Variants in NLGN4X observed in about 807,000 individuals in gnomAD.
The protein encoded by NLGN4X is neuroligin 4 X-linked.
A neutral mutation model predicts 40.3 loss-of-function variants in NLGN4X; 3 were observed. That is an observed-to-expected ratio of 0.07 (90% CI 0.03 to 0.19). The LOEUF (loss-of-function observed/expected upper bound fraction) is 0.19. Among genes scored for constraint, NLGN4X ranks in the 10% least tolerant of loss-of-function variants. NLGN4X has a pLI of 1.00. For missense variants in NLGN4X, 382 were observed against 708.3 expected, an observed-to-expected ratio of 0.54 and a Z score of 5.23; for synonymous variants, 270 against 306.8, an observed-to-expected ratio of 0.88 and a Z score of 1.25.
At chrX:6,132,376 T>C (rs771353945) in intron 2 of NLGN4X, among the ~76,000 whole-genome samples, 1 of 111,430 alleles carries the variant, frequency 9.0e-6, no homozygotes, top group South Asian at 3.8e-4. Flanking sequence ...CGATTACACA[T>C]GCACAATACA....
At chrX:5,921,322 C>T (rs1411860037) in intron 3 of NLGN4X, among the ~76,000 whole-genome samples, 1 of 102,122 alleles carries the variant, frequency 9.8e-6, no homozygotes, top group African/African-American at 3.6e-5. Context: ...TTTTTTTCTC[C>T]GATGTTTCAA....
At chrX:6,196,914 T>A (rs1191890887) in intron 1 of NLGN4X, among the ~76,000 whole-genome samples, 1 of 111,759 alleles carries the variant, frequency 8.9e-6, no homozygotes, top group African/African-American at 3.3e-5. Flanking sequence ...TCCCAAGCAC[T>A]GAGGAGGGAG....
chrX:5,903,640 G>A lies in NLGN4X; in HGVS notation c.1038C>T (p.Gly346=), dbSNP rs773091504. Residue 346 remains glycine, a synonymous_variant, in exon 5 of 6, where the codon GGC becomes GGT. Coordinates refer to ENST00000381095, the MANE Select transcript of NLGN4X (RefSeq NM_181332.3). ...TCTGGGGGTCGTCTGGGATGACGTC[G>A]CCGTCGATCACCGGCCCGAAGGCTA... ...YHIAFGPVID[G]DVIPDDPQIL... is the part of the protein sequence containing the mutation. The A allele has an allele frequency of 1.2e-5, 15 of 1,209,625 alleles. No individual in the cohort carries two copies. The highest frequency in any genetic ancestry group is 1.1e-4 in the South Asian group (6 of 56,717).
intron 2 of NLGN4X, among the ~76,000 whole-genome samples, chrX:6,115,798 G>A (rs1309935852): frequency 9.0e-6 from 1 of 111,270 alleles, no homozygotes; most frequent in African/African-American, 3.3e-5. Context: ...TAGAAGCATC[G>A]TTTTAACGTG....
At position 5,890,170 on chromosome X, in the gene NLGN4X, A is replaced by C; in HGVS notation, c.*2647T>G. 4.9e-6 allele frequency: 1 copy of C among 203,854 alleles called. No homozygotes were observed. The highest frequency in any genetic ancestry group is 8.9e-6 in the Non-Finnish European group (1 of 112,166). 16.8% of individuals were successfully genotyped at this position (203,854 alleles called of 1,213,427 possible). A position where few individuals can be genotyped will look rare whatever the true frequency, so the allele number is the denominator to read the frequency against. ...AAACAAAACTGCAAAATAATAACCC[A>C]AGGAACCATTAAACCCTGCGTGCCT... On this transcript the variant is annotated 3_prime_UTR_variant, in exon 6 of 6. Coordinates refer to ENST00000381095, the MANE Select transcript of NLGN4X (RefSeq NM_181332.3).
chrX:6,163,321 ACT>A (rs1399058441), intron 1 of NLGN4X, among the ~76,000 whole-genome samples: 1 of 112,394 alleles, frequency 8.9e-6, no homozygotes, highest in Non-Finnish European at 1.9e-5. Flanking sequence ...ACAATTATTC[ACT>A]GAGGTACCAC....
chrX:6,219,729 C>A (rs1442287636), intron 1 of NLGN4X, among the ~76,000 whole-genome samples: 16 of 109,717 alleles, frequency 1.5e-4, no homozygotes, highest in African/African-American at 5.3e-4. Context: ...TCTCAGGGAT[C>A]CTTAAAGTAT....
At chrX:6,125,120 C>A (rs1463986487) in intron 2 of NLGN4X, among the ~76,000 whole-genome samples, 4 of 112,219 alleles carry the variant, frequency 3.6e-5, no homozygotes, top group African/African-American at 1.3e-4. Flanking sequence ...GAAAATTTGT[C>A]AGATGGGACT....
At position 6,116,391 on chromosome X, in the gene NLGN4X, C is replaced by CTTT. The variant is rs1157468420; in HGVS notation, c.472+34601_472+34603dup. ...ACAAGTAGGTATTGAACCTTTCTTT[C>CTTT]TTTTTTTTTTTTTTTTTTTTTTTTT... On this transcript the variant is annotated intron_variant, in intron 2 of 5. Transcript: ENST00000381095. Among the ~76,000 whole-genome samples the CTTT allele has an allele frequency of 4.5e-3, 101 of 22,291 alleles. 29 individuals are homozygous for CTTT. Among genetic ancestry groups the CTTT allele is most frequent in the East Asian group, 7.5e-3 (5 of 663 alleles). 19.4% of individuals were successfully genotyped at this position (22,291 alleles called of 115,157 possible).
intron 1 of NLGN4X, among the ~76,000 whole-genome samples, chrX:6,158,489 T>C (rs906196622): frequency 4.5e-5 from 5 of 111,887 alleles, no homozygotes; most frequent in African/African-American, 9.8e-5. Context: ...TCAATGTCAT[T>C]CATTATTGGT....
chrX:6,199,186 G>A (rs761461523), intron 1 of NLGN4X, among the ~76,000 whole-genome samples: 1 of 111,478 alleles, frequency 9.0e-6, no homozygotes, highest in South Asian at 3.7e-4. Flanking sequence ...ACCTTGATTT[G>A]TACCCTAAGT....
intron 2 of NLGN4X, among the ~76,000 whole-genome samples, chrX:6,082,956 C>CTTTTTT (rs1184184483): frequency 8.7e-5 from 4 of 45,983 alleles, no homozygotes; most frequent in Admixed American, 2.9e-4. Context: ...GCGTTTTTTT[C>CTTTTTT]TTTTTTTTTT....
At chrX:6,000,915 G>A (rs2035955399) in intron 3 of NLGN4X, among the ~76,000 whole-genome samples, 1 of 111,558 alleles carries the variant, frequency 9.0e-6, no homozygotes, top group African/African-American at 3.3e-5. Context: ...TGCTATTAAA[G>A]ACATACCCGA....
At chrX:6,133,295 T>C (rs2039726533) in intron 2 of NLGN4X, among the ~76,000 whole-genome samples, 1 of 111,395 alleles carries the variant, frequency 9.0e-6, no homozygotes, top group Non-Finnish European at 1.9e-5. Context: ...TTGATTGTGT[T>C]CTTTGGCCAC....
chrX:5,975,879 A>T (rs2035164276), intron 3 of NLGN4X, among the ~76,000 whole-genome samples: 1 of 111,586 alleles, frequency 9.0e-6, no homozygotes, highest in Non-Finnish European at 1.9e-5. Flanking sequence ...TTAATTTTTT[A>T]AATATTAAGA....
At chrX:6,152,839 A>G (rs973207591) in intron 1 of NLGN4X, among the ~76,000 whole-genome samples, 1 of 112,349 alleles carries the variant, frequency 8.9e-6, no homozygotes, top group African/African-American at 3.2e-5. Context: ...TATCCTCTTC[A>G]CCCTTCAGCC....
intron 3 of NLGN4X, among the ~76,000 whole-genome samples, chrX:5,965,365 G>A (rs2034799142): frequency 8.9e-6 from 1 of 112,047 alleles, no homozygotes; most frequent in Admixed American, 9.5e-5. Context: ...AATGGACCAT[G>A]CACAAGTGTG....
chrX:6,092,899 G>A (rs1049286516), intron 2 of NLGN4X, among the ~76,000 whole-genome samples: 2 of 111,040 alleles, frequency 1.8e-5, no homozygotes, highest in African/African-American at 3.3e-5. Flanking sequence ...GGAGACATGG[G>A]TGCAAAAATG....
chrX:5,953,505 G>C (rs941834703), intron 3 of NLGN4X, among the ~76,000 whole-genome samples: 3 of 111,902 alleles, frequency 2.7e-5, no homozygotes, highest in African/African-American at 9.8e-5. Flanking sequence ...AATACTTGAG[G>C]TGATGAATGC....
Sources: gnomAD v4.1 joint callset for allele counts (sites outside exome capture counted in the v4.1 genomes callset) on GRCh38, gnomAD v4.1.1 for gene constraint, MANE v1.5 for transcripts, NCBI Gene and HGNC (gene_info 2026-07-23, HGNC 2026-07-21) for gene names.